Variants in CHODL observed in about 807,000 individuals in gnomAD.
CHODL encodes the protein chondrolectin, also known as transmembrane protein MT75.
Under a neutral mutation model 34.5 loss-of-function variants are expected in CHODL, and 29 were observed. That is an observed-to-expected ratio of 0.84 (90% CI 0.63 to 1.15). The LOEUF (loss-of-function observed/expected upper bound fraction) is 1.15, where lower values mean the gene tolerates loss of function less well. Ranked by LOEUF, CHODL falls within the 50% of genes most tolerant of loss-of-function variation. The pLI is 0.00. For synonymous variants in CHODL, 125 were observed against 116.1 expected, an observed-to-expected ratio of 1.08 and a Z score of -0.49; for missense variants, 332 against 332.5, an observed-to-expected ratio of 1.00 and a Z score of 0.01.
chr21:18,060,605 A>G (rs1350124055), intron 2 of CHODL, among the ~76,000 whole-genome samples: 1 of 149,980 alleles, frequency 6.7e-6, no homozygotes, highest in Non-Finnish European at 1.5e-5. Flanking sequence ...CTGAATCATC[A>G]TAAATAGGAA....
chr21:18,106,809 T>C (rs1041362156), intron 2 of CHODL, among the ~76,000 whole-genome samples: 1 of 152,186 alleles, frequency 6.6e-6, no homozygotes, highest in Non-Finnish European at 1.5e-5. Context: ...TCTTTCTTAA[T>C]TCTAATTCCT....
chr21:18,169,786 A>G (rs936532779), intron 2 of CHODL, among the ~76,000 whole-genome samples: 4 of 152,078 alleles, frequency 2.6e-5, no homozygotes, highest in Non-Finnish European at 4.4e-5. Context: ...GCTGTATTCC[A>G]TAAATTTTGC....
chr21:17,933,992 G>A (rs1333304962), intron 1 of CHODL, among the ~76,000 whole-genome samples: 1 of 151,058 alleles, frequency 6.6e-6, no homozygotes, highest in Non-Finnish European at 1.5e-5. Context: ...AGCCGAGATC[G>A]AGTCACTGCA....
chr21:17,980,236 G>T (rs973210844), intron 1 of CHODL, among the ~76,000 whole-genome samples: 4 of 151,700 alleles, frequency 2.6e-5, no homozygotes, highest in Non-Finnish European at 5.9e-5. Context: ...AGAGCTTTTG[G>T]GCATTTATTT....
At chr21:18,161,937 T>A (rs773567794) in intron 2 of CHODL, among the ~76,000 whole-genome samples, 4 of 152,184 alleles carry the variant, frequency 2.6e-5, no homozygotes, top group Non-Finnish European at 5.9e-5. Flanking sequence ...AGTATGTGAA[T>A]CCTAAGTGTA....
At chr21:17,925,366 G>A (rs1339079921) in intron 1 of CHODL, among the ~76,000 whole-genome samples, 1 of 152,220 alleles carries the variant, frequency 6.6e-6, no homozygotes, top group East Asian at 1.9e-4. Context: ...TGGAGAATGG[G>A]TGAAGATGTA....
chr21:18,058,646 T>TTTGTGAAATA (rs139855193), intron 2 of CHODL, among the ~76,000 whole-genome samples: 2,036 of 152,294 alleles, frequency 0.013, 43 homozygotes, highest in African/African-American at 0.046. Context: ...AGTTGAACTA[T>TTTGTGAAATA]TTGTGAAATA....
At chr21:18,121,702 A>G (rs1491786) in intron 2 of CHODL, among the ~76,000 whole-genome samples, 41,682 of 152,022 alleles carry the variant, frequency 0.27, 6,425 homozygotes, top group East Asian at 0.6. Context: ...TGATGCTTAA[A>G]GTTGTACAAT....
chr21:18,128,321 AAAAAAAAAAAAAAAAAAAAAGAAG>A (rs2072605572), intron 2 of CHODL, among the ~76,000 whole-genome samples: 1 of 137,308 alleles, frequency 7.3e-6, no homozygotes, highest in Non-Finnish European at 1.6e-5. Context: ...AAAAAAAAAA[AAAAAAAAAAAAAAAAAAAAAGAAG>A]AAGAAGAAGA....
At chr21:17,927,208 GTA>G (rs566915473) in intron 1 of CHODL, among the ~76,000 whole-genome samples, 14 of 144,156 alleles carry the variant, frequency 9.7e-5, no homozygotes, top group Non-Finnish European at 1.5e-4. Context: ...ATGTGTGTGT[GTA>G]TATATATATA....
At chr21:18,262,254 T>C (rs891321973) in intron 4 of CHODL, among the ~76,000 whole-genome samples, 1 of 152,186 alleles carries the variant, frequency 6.6e-6, no homozygotes, top group Non-Finnish European at 1.5e-5. Context: ...AAAACATGAA[T>C]ACAGTCATGT....
At chr21:17,917,582 C>T (rs904520265) in intron 1 of CHODL, among the ~76,000 whole-genome samples, 3 of 148,166 alleles carry the variant, frequency 2.0e-5, no homozygotes, top group Non-Finnish European at 4.4e-5. Context: ...ATGCCCTACC[C>T]AAGGTGGGGC....
chr21:18,107,857 G>A (rs2065292647), intron 2 of CHODL, among the ~76,000 whole-genome samples: 1 of 152,208 alleles, frequency 6.6e-6, no homozygotes, highest in South Asian at 2.1e-4. Flanking sequence ...GTGGATGTAA[G>A]ACTGTTTGAT....
chr21:17,919,908 T>A (rs1042569515), intron 1 of CHODL, among the ~76,000 whole-genome samples: 4 of 152,142 alleles, frequency 2.6e-5, no homozygotes, highest in African/African-American at 9.7e-5. Flanking sequence ...GTCCTGCAAA[T>A]CTCTAGGGCA....
Position 18,229,610 on chromosome 21 carries a change from A to C in CHODL, c.-44-26899A>C, listed in dbSNP as rs187010324. Among the ~76,000 whole-genome samples the C allele has an allele frequency of 3.9e-5, 6 of 152,232 alleles. No individual in the cohort carries two copies. The East Asian group carries it at 1.2e-3, about 29-fold the overall frequency. On this transcript the variant is annotated intron_variant, in intron 2 of 6. Coordinates refer to the CHODL transcript ENST00000400127. ...AATCAAGCCAGTATCAATGGGATGG[A>C]CGCTCATAATTCTTCAGTGTTAGGG...
chr21:18,110,161 C>T (rs2065329884), intron 2 of CHODL, among the ~76,000 whole-genome samples: 1 of 152,186 alleles, frequency 6.6e-6, no homozygotes, highest in Admixed American at 6.5e-5. Context: ...ATATTTACAA[C>T]AACAAGAGTA....
chr21:18,106,931 C>G (rs2065280575), intron 2 of CHODL, among the ~76,000 whole-genome samples: 1 of 152,126 alleles, frequency 6.6e-6, no homozygotes, highest in Admixed American at 6.5e-5. Flanking sequence ...GTCCCTGCAC[C>G]CAAGTGTACA....
At chr21:18,195,434 G>A (rs962845216) in intron 2 of CHODL, among the ~76,000 whole-genome samples, 2 of 152,082 alleles carry the variant, frequency 1.3e-5, no homozygotes, top group Non-Finnish European at 2.9e-5. Flanking sequence ...CTGAAACTTT[G>A]TACCCTTTGA....
chr21:18,174,995 C>A (rs1426713072), intron 2 of CHODL, among the ~76,000 whole-genome samples: 1 of 152,140 alleles, frequency 6.6e-6, no homozygotes, highest in African/African-American at 2.4e-5. Context: ...CCCCTTGTTT[C>A]TTTATTTGTG....
Sources: allele counts gnomAD v4.1 joint callset (sites outside exome capture counted in the v4.1 genomes callset), GRCh38; gene constraint gnomAD v4.1.1; transcripts MANE v1.5; gene names NCBI Gene and HGNC (gene_info 2026-07-23, HGNC 2026-07-21).